The following KCND2 variants were observed in gnomAD, a reference collection of about 807,000 sequenced individuals.
KCND2 encodes the protein potassium voltage-gated channel subfamily D member 2.
Under a neutral mutation model 54.4 loss-of-function variants are expected in KCND2, and 16 were observed. That is an observed-to-expected ratio of 0.29 (90% confidence interval 0.20 to 0.45). KCND2 has a LOEUF of 0.45. Among genes scored for constraint, KCND2 ranks in the 20% least tolerant of loss-of-function variants. The pLI is 1.00. For synonymous variants in KCND2, 317 were observed against 310.7 expected (o/e 1.02, Z -0.21); for missense variants, 486 against 824.2 (o/e 0.59, Z 5.02).
chr7:120,586,782 A>G lies in KCND2; in HGVS notation c.1116-146121A>G, dbSNP rs531876548. Among the ~76,000 whole-genome samples, 12 of 152,284 alleles carry G rather than the reference A, an allele frequency of 7.9e-5. No individual in the cohort carries two copies. In the South Asian group the frequency reaches 2.5e-3, roughly 32 times the overall value. ...GGTGTTATAAATCTCTGCCAAAGGC[A>G]CATTCATAGCCCTGCTTGAATAGTT... On this transcript the variant is annotated intron_variant, in intron 1 of 5. Transcript: ENST00000331113.
At chr7:120,512,396 T>A (rs964957437) in intron 1 of KCND2, among the ~76,000 whole-genome samples, 3 of 151,980 alleles carry the variant, frequency 2.0e-5, no homozygotes, top group Non-Finnish European at 4.4e-5. Context: ...TCAGGTTTTT[T>A]AATTTTTTTG....
intron 1 of KCND2, among the ~76,000 whole-genome samples, chr7:120,310,557 CT>C (rs1430238168): frequency 6.6e-6 from 1 of 152,070 alleles, no homozygotes; most frequent in Non-Finnish European, 1.5e-5. Context: ...TTATTTCATA[CT>C]ATAGAATCAA....
chr7:120,501,525 T>C (rs1358715405), intron 1 of KCND2, among the ~76,000 whole-genome samples: 2 of 152,158 alleles, frequency 1.3e-5, no homozygotes, highest in Non-Finnish European at 1.5e-5. Context: ...CTCTTCCCTT[T>C]CAGAGCATCA....
intron 1 of KCND2, among the ~76,000 whole-genome samples, chr7:120,609,388 G>A (rs936731506): frequency 3.3e-5 from 5 of 151,994 alleles, no homozygotes. Flanking sequence ...GAGCAGACTT[G>A]GAAACTTACT....
At chr7:120,375,549 A>G (rs1800825182) in intron 1 of KCND2, among the ~76,000 whole-genome samples, 1 of 151,886 alleles carries the variant, frequency 6.6e-6, no homozygotes, top group Non-Finnish European at 1.5e-5. Context: ...AAGGCTTGAT[A>G]ACTGAACTGT....
At chr7:120,402,180 A>G (rs1204816551) in intron 1 of KCND2, among the ~76,000 whole-genome samples, 4 of 152,194 alleles carry the variant, frequency 2.6e-5, no homozygotes, top group Admixed American at 2.0e-4. Context: ...GAATAGTTAT[A>G]GCTTCCCATT....
intron 1 of KCND2, among the ~76,000 whole-genome samples, chr7:120,628,340 G>T (rs1244455817): frequency 6.6e-6 from 1 of 152,160 alleles, no homozygotes; most frequent in East Asian, 1.9e-4. Flanking sequence ...CACTTTTGGG[G>T]TGAAACCTCA....
At position 120,441,565 on chromosome 7, in the gene KCND2, A is replaced by G. The variant is rs1001896901; in HGVS notation, c.1115+165818A>G. Among the ~76,000 whole-genome samples the G allele has an allele frequency of 2.0e-5, 3 of 152,130 alleles. No individual in the cohort carries two copies. The East Asian group carries it at 5.8e-4, about 29-fold the overall frequency. On this transcript the variant is annotated intron_variant, in intron 1 of 5. Transcript: ENST00000331113. ...TAAGCTTTATAATAGTTGTAAAATA[A>G]TAAATGCCTTGTAAAAATAAATGTG...
intron 1 of KCND2, among the ~76,000 whole-genome samples, chr7:120,699,460 A>C (rs1235850415): frequency 6.6e-6 from 1 of 152,182 alleles, no homozygotes; most frequent in East Asian, 1.9e-4. Flanking sequence ...TTTGCTCAAC[A>C]GTGACTAACA....
At position 120,435,091 on chromosome 7, in the gene KCND2, T is replaced by TTTTATTTATTTATTTATTTA. The variant is rs58887227; in HGVS notation, c.1115+159355_1115+159374dup. Among the ~76,000 whole-genome samples, 862 of 149,320 alleles carry TTTTATTTATTTATTTATTTA rather than the reference T, an allele frequency of 5.8e-3. 7 individuals are homozygous for TTTTATTTATTTATTTATTTA. The highest frequency in any genetic ancestry group is 0.02 in the African/African-American group (792 of 40,410). ...AGCATATAGAATAACAAACAATAAATTTTATTTATTTATTTATTTATTTAT... is the reference window on the plus strand; with the variant it reads ...AGCATATAGAATAACAAACAATAAATTTTATTTATTTATTTATTTATTTATTTATTTATTTATTTATTTAT... On this transcript the variant is annotated intron_variant, in intron 1 of 5. Transcript: ENST00000331113.
At chr7:120,733,406 T>C (rs1792831738) in intron 2 of KCND2, among the ~76,000 whole-genome samples, 2 of 152,150 alleles carry the variant, frequency 1.3e-5, no homozygotes. Flanking sequence ...CACTTTCTTG[T>C]CTATTGCATT....
At chr7:120,524,443 A>G (rs1401273817) in intron 1 of KCND2, among the ~76,000 whole-genome samples, 2 of 152,120 alleles carry the variant, frequency 1.3e-5, no homozygotes, top group East Asian at 1.9e-4. Context: ...TATATTTTTA[A>G]AGGCTTTTTC....
At chr7:120,710,570 T>A (rs948018462) in intron 1 of KCND2, among the ~76,000 whole-genome samples, 1 of 152,116 alleles carries the variant, frequency 6.6e-6, no homozygotes, top group Non-Finnish European at 1.5e-5. Flanking sequence ...CCCCAGTTTC[T>A]CCTGACATAA....
At chr7:120,412,493 C>T (rs1458914946) in intron 1 of KCND2, among the ~76,000 whole-genome samples, 1 of 148,282 alleles carries the variant, frequency 6.7e-6, no homozygotes, top group Non-Finnish European at 1.5e-5. Context: ...TTATTTCCAC[C>T]TTTCTTACTC....
At chr7:120,529,950 G>A (rs959475912) in intron 1 of KCND2, among the ~76,000 whole-genome samples, 3 of 152,002 alleles carry the variant, frequency 2.0e-5, no homozygotes, top group Admixed American at 2.0e-4. Context: ...GCACACTCCT[G>A]TGGTCCCAGT....
At chr7:120,497,836 G>T (rs991740780) in intron 1 of KCND2, among the ~76,000 whole-genome samples, 1 of 152,112 alleles carries the variant, frequency 6.6e-6, no homozygotes, top group Non-Finnish European at 1.5e-5. Context: ...TGATAAAATA[G>T]TTTCACTTCA....
intron 1 of KCND2, among the ~76,000 whole-genome samples, chr7:120,708,656 A>G (rs1020923006): frequency 1.3e-5 from 2 of 152,012 alleles, no homozygotes; most frequent in African/African-American, 4.8e-5. Flanking sequence ...AGGCATTTGT[A>G]TTTCTTCCCC....
chr7:120,417,272 A>C (rs1801537345), intron 1 of KCND2, among the ~76,000 whole-genome samples: 1 of 152,222 alleles, frequency 6.6e-6, no homozygotes, highest in Non-Finnish European at 1.5e-5. Flanking sequence ...TGTGCCCCTC[A>C]GGCAAGAAAA....
chr7:120,329,120 CTT>C (rs542875258), intron 1 of KCND2, among the ~76,000 whole-genome samples: 66 of 132,408 alleles, frequency 5.0e-4, no homozygotes, highest in South Asian at 2.2e-3. Context: ...CTAGCTTAGT[CTT>C]TTTTTTTTTT....
Sources: gnomAD v4.1 joint callset for allele counts (sites outside exome capture counted in the v4.1 genomes callset) on GRCh38, gnomAD v4.1.1 for gene constraint, MANE v1.5 for transcripts, NCBI Gene and HGNC (gene_info 2026-07-23, HGNC 2026-07-21) for gene names.